Variants in ACP4 observed in about 807,000 individuals in gnomAD.
The protein encoded by ACP4 is acid phosphatase 4.
ACP4 carries 49 observed loss-of-function variants against 47.3 expected under a neutral mutation model. The observed-to-expected ratio is 1.04, with a 90% CI of 0.82 to 1.32. The LOEUF (loss-of-function observed/expected upper bound fraction) is 1.32, where lower values mean the gene tolerates loss of function less well. ACP4 is among the 40% of genes most tolerant of loss of function. The probability of loss-of-function intolerance (pLI) is 0.00; values close to 1 mark genes in which losing one functional copy is unlikely to be tolerated. For missense variants in ACP4, 594 were observed against 579.3 expected (o/e 1.03, Z -0.26); for synonymous variants, 299 against 265.3 (o/e 1.13, Z -1.23).
In ACP4 at chr19:50,791,790, G is replaced by A. The variant is rs779845857; in HGVS notation, c.438G>A (p.Val146=). ...WRPIPVHTVP[V]AEDKLLRFPM... The stretch of plus-strand genomic sequence containing the variant: ...CGATCCCGGTGCACACGGTGCCCGT[G>A]GCTGAGGATAAGGTCAGGGGGCTGG... The change falls in exon 4 of 11, where the codon GTG becomes GTA. Residue 146 remains valine (V), a synonymous_variant. Coordinates refer to ENST00000270593, the MANE Select transcript of ACP4 (RefSeq NM_033068.3). 2 of 1,607,222 alleles carry A rather than the reference G, an allele frequency of 1.2e-6. No individual in the cohort carries two copies. Among genetic ancestry groups the A allele is most frequent in the South Asian group, 2.2e-5 (2 of 90,636 alleles).
At chr19:50,794,166 T>G (rs1426353218) in intron 8 of ACP4, among the ~76,000 whole-genome samples, 196 bp downstream of exon 8, 1 of 152,194 alleles carries the variant, frequency 6.6e-6, no homozygotes, top group Admixed American at 6.5e-5. Flanking sequence ...GAGGAAGAAT[T>G]TATGAATAAA....
chr19:50,791,974 G>C, intron 4 of ACP4, 99 bp from the exon 5 acceptor site: 1 of 1,463,928 alleles, frequency 6.8e-7, no homozygotes, highest in Middle Eastern at 2.5e-4. Context: ...GAGAAACTGC[G>C]ACAAAGACGC....
In ACP4 at chr19:50,792,342, G is replaced by A; in HGVS notation, c.645+5G>A. 1 of 1,612,798 alleles carries A rather than the reference G, an allele frequency of 6.2e-7. No individual in the cohort carries two copies. Reference sequence around the variant, plus strand: ...CTGGACACCCTCATGTGCCAGGTGAGCCCTGCCCCTTCCCAGCCAAGGGTT... The same window carrying A: ...CTGGACACCCTCATGTGCCAGGTGAACCCTGCCCCTTCCCAGCCAAGGGTT... On this transcript the variant is annotated splice_donor_5th_base_variant and intron_variant, in intron 6 of 10. Transcript: ENST00000270593.
intron 3 of ACP4, 83 bp from the exon 4 acceptor site, chr19:50,791,573 T>C: frequency 6.5e-7 from 1 of 1,539,718 alleles, no homozygotes; most frequent in Middle Eastern, 1.7e-4. Context: ...CCAAAGTGAA[T>C]CTGAGGCTTC....
Position 50,792,587 on chromosome 19 carries a change from G to A in ACP4, c.645+250G>A, listed in dbSNP as rs77228837. On this transcript the variant is annotated intron_variant, in intron 6 of 10. Transcript: ENST00000270593. ...CAGTGAGGGCCTTGCCAGGGTTTGA[G>A]GCTACACATTTGGCAACTCCTCCCC... 1,379 of 475,424 alleles carry A rather than the reference G, an allele frequency of 2.9e-3. 19 individuals carry two copies. The highest frequency in any genetic ancestry group is 0.025 in the African/African-American group (1,286 of 51,066). The allele number at this position is 475,424 out of a possible 1,614,324, so 29.5% of individuals were successfully genotyped here. A position where few individuals can be genotyped will look rare whatever the true frequency, so the allele number is the denominator to read the frequency against.
At chr19:50,791,933 G>A in intron 4 of ACP4, 131 bp downstream of exon 4, 1 of 1,453,222 alleles carries the variant, frequency 6.9e-7, no homozygotes, top group East Asian at 2.5e-5. Flanking sequence ...ACCAGGGTGA[G>A]CCCCGGCCCA....
At chr19:50,793,635 A>G (rs376786236) in intron 6 of ACP4, 49 bp from the exon 7 acceptor site, 5 of 1,597,788 alleles carry the variant, frequency 3.1e-6, no homozygotes, top group African/African-American at 2.7e-5. Context: ...GCGGGGCCAG[A>G]GGCAAACTCG....
In ACP4 at chr19:50,794,573, A is replaced by G; in HGVS notation, c.978A>G (p.Lys326=). ...EFRKHLGNPA[K]DGGNVTVSLF... ...GGAAGCACCTGGGGAATCCCGCCAA[A>G]GATGGAGGGTGAGAATGGTTTGGTG... Residue 326 remains lysine, a synonymous_variant, in exon 9 of 11, where the codon AAA becomes AAG. Coordinates refer to ENST00000270593, the MANE Select transcript of ACP4 (RefSeq NM_033068.3). 1 of 1,614,042 alleles carries G rather than the reference A, an allele frequency of 6.2e-7. No homozygotes were observed. Among genetic ancestry groups the G allele is most frequent in the Non-Finnish European group, 8.5e-7 (1 of 1,179,996 alleles).
In ACP4 at chr19:50,790,543, C is replaced by T. The variant is rs923089779; in HGVS notation, c.111+18C>T. 14 of 1,540,836 alleles carry T rather than the reference C, an allele frequency of 9.1e-6. No individual in the cohort carries two copies. In the African/African-American group the frequency reaches 9.6e-5, roughly 11 times the overall value. The stretch of plus-strand genomic sequence containing the variant: ...TGGCTCTGGTGAGGCGCCCCCACCC[C>T]GGCCTGCCCTTAGCTCCCCCAGGGC... On this transcript the variant is annotated intron_variant, in intron 1 of 10. Coordinates refer to ENST00000270593, the MANE Select transcript of ACP4 (RefSeq NM_033068.3).
chr19:50,792,485 A>G (rs2089518879), intron 6 of ACP4, 148 bp downstream of exon 6: 2 of 712,460 alleles, frequency 2.8e-6, no homozygotes, highest in Non-Finnish European at 4.7e-6. Flanking sequence ...CAACACCGGT[A>G]TCAACACCTC....
rs201522346 is a variant in ACP4, at chr19:50,793,958, C to A, written c.849C>A (p.Val283=). 11 of 1,614,012 alleles carry A rather than the reference C, an allele frequency of 6.8e-6. No homozygotes were observed. Among genetic ancestry groups the A allele is most frequent in the South Asian group, 2.2e-5 (2 of 91,032 alleles). ...GCCTGGGGCTGCCCCTCAAGATGGT[C>A]ATGTACTCAGCTGTGAGTCCTTGGG... The part of the protein sequence containing the change: ...VQRLGLPLKM[V]MYSAHDSTLL... Residue 283 remains valine, a synonymous_variant, in exon 8 of 11, where the codon GTC becomes GTA. Coordinates refer to ENST00000270593, the MANE Select transcript of ACP4 (RefSeq NM_033068.3).
At position 50,790,616 on chromosome 19, in the gene ACP4, C is replaced by G; in HGVS notation, c.134C>G (p.Ala45Gly). 1 of 1,551,432 alleles carries G rather than the reference C, an allele frequency of 6.4e-7. No individual in the cohort carries two copies. Among genetic ancestry groups the G allele is most frequent in the Non-Finnish European group, 8.7e-7 (1 of 1,148,528 alleles). Residue 45 changes from alanine to glycine, a missense_variant, in exon 2 of 11, where the codon GCC (alanine) becomes GGC (glycine). Ala to Gly is a moderately conservative substitution (Grantham distance 60). Transcript: ENST00000270593. The stretch of plus-strand genomic sequence containing the variant: ...CAGGTATTCCGCCATGGCGACCGGG[C>G]CCCGCTGGCCTCCTACCCCATGGAC... ...VALVFRHGDRAPLASYPMDPH... is the reference protein window; with the variant it reads ...VALVFRHGDRGPLASYPMDPH...
At chr19:50,791,593 A>T in intron 3 of ACP4, 63 bp from the exon 4 acceptor site, 8 of 1,567,730 alleles carry the variant, frequency 5.1e-6, no homozygotes, top group Non-Finnish European at 6.9e-6. Flanking sequence ...CTGATTTGCC[A>T]CGACAGCTGA....
rs139300308 is a variant in ACP4 at position 50,794,816 on chromosome 19, T to C, written c.1017T>C (p.Asn339=). The C allele has an allele frequency of 9.3e-5, 149 of 1,609,328 alleles. No homozygotes were observed. The East Asian group carries it at 3.0e-3, about 32-fold the overall frequency. The change falls in exon 10 of 11, where the codon AAT becomes AAC. Residue 339 remains asparagine, a synonymous_variant. Transcript: ENST00000270593. ...TCACCGTCTCCCTCTTCTACCGCAA[T>C]GACTCCGCCCACCTGCCCCTGCCTC... ...GNVTVSLFYR[N]DSAHLPLPLS... is the part of the protein sequence containing the mutation.
At chr19:50,794,212 G>A (rs1318861182) in intron 8 of ACP4, among the ~76,000 whole-genome samples, 1 of 152,156 alleles carries the variant, frequency 6.6e-6, no homozygotes, top group African/African-American at 2.4e-5. Flanking sequence ...ACTATGATTG[G>A]ACTAAGCAGT....
At chr19:50,794,985 G>A in intron 10 of ACP4, 21 bp downstream of exon 10, 3 of 1,613,508 alleles carry the variant, frequency 1.9e-6, no homozygotes, top group Non-Finnish European at 2.5e-6. Flanking sequence ...TCTGTGTTGG[G>A]GTGGGAGTGG....
Position 50,792,107 on chromosome 19 carries a change from AC to A in ACP4, c.487del (p.His163ThrfsTer24). On this transcript the variant is annotated frameshift_variant, in exon 5 of 11. Coordinates refer to ENST00000270593, the MANE Select transcript of ACP4 (RefSeq NM_033068.3). LOFTEE classifies it high-confidence loss of function. ...LRFPMRSCPRYHELLREATEA... is the reference protein window; with the variant it reads ...LRFPMRSCPRXHELLREATEA... ...TTCCCCATGCGCAGCTGTCCCCGAT[AC>A]CACGAGCTGCTGCGGGAGGCCACCG... The A allele has an allele frequency of 6.2e-7, 1 of 1,603,070 alleles. No individual in the cohort carries two copies. Among genetic ancestry groups the A allele is most frequent in the Non-Finnish European group, 8.5e-7 (1 of 1,176,320 alleles).
Position 50,792,158 on chromosome 19 carries a change from T to C in ACP4, c.536T>C (p.Leu179Pro), listed in dbSNP as rs1428236740. 1.2e-6 allele frequency: 2 copies of C among 1,609,912 alleles called. No individual in the cohort carries two copies. Among genetic ancestry groups the C allele is most frequent in the Middle Eastern group, 2.0e-4 (1 of 5,068 alleles). ...GAGGCCGCCGAGTACCAGGAGGCCC[T>C]GGAGGGCTGGACGGTGAGCAGGGCG... is the stretch of plus-strand genomic sequence containing the variant. Reference protein sequence around the residue: ...ATEAAEYQEALEGWTGFLSRL... With the variant: ...ATEAAEYQEAPEGWTGFLSRL... Residue 179 changes from leucine to proline, a missense_variant, in exon 5 of 11, where the codon CTG (leucine) becomes CCG (proline). Transcript: ENST00000270593.
At position 50,794,901 on chromosome 19, in the gene ACP4, C is replaced by A. The variant is rs770280970; in HGVS notation, c.1102C>A (p.Pro368Thr). The change falls in exon 10 of 11, where the codon CCG (proline) becomes ACG (threonine). Residue 368 changes from proline to threonine, a missense_variant. Transcript: ENST00000270593. The stretch of plus-strand genomic sequence containing the variant: ...AGGCCGCTTCTACCAGCTGACTGCC[C>A]CGGCCCGGCCTCCCGCCCATGGGGT... ...PLGRFYQLTAPARPPAHGVSC... is the reference protein window; with the variant it reads ...PLGRFYQLTATARPPAHGVSC... The A allele has an allele frequency of 1.2e-6, 2 of 1,613,656 alleles. No individual in the cohort carries two copies. The highest frequency in any genetic ancestry group is 1.7e-6 in the Non-Finnish European group (2 of 1,179,932).
Sources: gnomAD v4.1 joint callset for allele counts (sites outside exome capture counted in the v4.1 genomes callset) on GRCh38, gnomAD v4.1.1 for gene constraint, MANE v1.5 for transcripts, NCBI Gene and HGNC (gene_info 2026-07-23, HGNC 2026-07-21) for gene names.